Variants in MRPL48 observed in about 807,000 individuals in gnomAD.
MRPL48 encodes mitochondrial ribosomal protein L48.
Under a neutral mutation model 32.9 loss-of-function variants are expected in MRPL48, and 16 were observed. The ratio of observed to expected loss-of-function variants is 0.49; its 90% confidence interval spans 0.33 to 0.74. The LOEUF (loss-of-function observed/expected upper bound fraction) is 0.74, where lower values mean the gene tolerates loss of function less well. Ranked by LOEUF, MRPL48 falls within the 30% of genes least tolerant of loss-of-function variation. The pLI is 0.02. For synonymous variants in MRPL48, 94 were observed against 89.2 expected (o/e 1.05, Z -0.31); for missense variants, 206 against 245.3 (o/e 0.84, Z 1.07).
chr11:73,798,219 A>G (rs571271841), intron 1 of MRPL48, among the ~76,000 whole-genome samples: 64 of 151,968 alleles, frequency 4.2e-4, no homozygotes, highest in Admixed American at 1.2e-3. Context: ...CTGGGATTAC[A>G]GGCGCCCACC....
intron 1 of MRPL48, among the ~76,000 whole-genome samples, chr11:73,796,665 C>T (rs978276705): frequency 5.9e-5 from 9 of 152,234 alleles, no homozygotes; most frequent in African/African-American, 1.9e-4. Flanking sequence ...TGGGGCTAGG[C>T]TGCCAGTCCC....
At chr11:73,817,691 A>G (rs1227989257) in intron 3 of MRPL48, 2 of 185,776 alleles carry the variant, frequency 1.1e-5, no homozygotes, top group Admixed American at 1.2e-4. Context: ...AGAAGGTTCC[A>G]AGTCCCAGAA....
intron 4 of MRPL48, chr11:73,843,015 A>G (rs1948219881): frequency 6.6e-6 from 1 of 151,786 alleles, no homozygotes. Context: ...GGATCTAGCT[A>G]TGTTGTCAGG....
intron 1 of MRPL48, among the ~76,000 whole-genome samples, chr11:73,788,822 AAACCGTATG>A (rs1483948857): frequency 6.6e-6 from 1 of 152,114 alleles, no homozygotes; most frequent in Non-Finnish European, 1.5e-5. Context: ...GACTGTCATA[AAACCGTATG>A]AACCACTATA....
chr11:73,838,000 C>T (rs542639299), intron 4 of MRPL48, among the ~76,000 whole-genome samples: 91 of 152,204 alleles, frequency 6.0e-4, no homozygotes, highest in African/African-American at 2.0e-3. Flanking sequence ...TACAGGCACC[C>T]GCCACCACGC....
chr11:73,800,380 T>C (rs953073486), intron 1 of MRPL48, among the ~76,000 whole-genome samples: 1 of 152,162 alleles, frequency 6.6e-6, no homozygotes, highest in African/African-American at 2.4e-5. Flanking sequence ...ATGAAACAGC[T>C]CTCAGTTGCT....
intron 4 of MRPL48, among the ~76,000 whole-genome samples, chr11:73,833,683 A>T (rs1219571752): frequency 6.6e-6 from 1 of 151,806 alleles, no homozygotes; most frequent in East Asian, 1.9e-4. Context: ...TTTAATTATT[A>T]TTTTTTTCAG....
rs1948636718 is a variant in MRPL48 at position 73,864,553 on chromosome 11, A to G, written c.*183A>G. The G allele has an allele frequency of 1.8e-5, 11 of 607,300 alleles. No individual in the cohort carries two copies. The highest frequency in any genetic ancestry group is 1.4e-4 in the East Asian group (5 of 36,158). The allele number at this position is 607,300 out of a possible 1,614,324, so 37.6% of individuals were successfully genotyped here. On this transcript the variant is annotated 3_prime_UTR_variant, in exon 8 of 8. Transcript: ENST00000310614. ...ACTTGCCATTTCTTACCACTTACCT[A>G]TGAGGTAATGCTTGTTATCTTCCAT...
At chr11:73,794,747 C>CTTTTTTT (rs1356375156) in intron 1 of MRPL48, among the ~76,000 whole-genome samples, 1 of 134,938 alleles carries the variant, frequency 7.4e-6, no homozygotes, top group African/African-American at 2.8e-5. Context: ...TACTTCTTTT[C>CTTTTTTT]TTTTTTTTTT....
chr11:73,790,282 G>C (rs1947125316), intron 1 of MRPL48, among the ~76,000 whole-genome samples: 6 of 149,746 alleles, frequency 4.0e-5, no homozygotes, highest in Admixed American at 2.7e-4. Context: ...TGTTAGCCAG[G>C]ATGGTCTCTA....
chr11:73,808,482 T>G (rs1565406945), intron 3 of MRPL48, 132 bp downstream of exon 3: 1 of 840,870 alleles, frequency 1.2e-6, no homozygotes, highest in Non-Finnish European at 1.9e-6. Flanking sequence ...CCCCTCCATG[T>G]GAGCATGGAA....
At chr11:73,834,787 A>C (rs1948065684) in intron 4 of MRPL48, among the ~76,000 whole-genome samples, 1 of 150,462 alleles carries the variant, frequency 6.6e-6, no homozygotes, top group Admixed American at 6.6e-5. Flanking sequence ...TGCCCGCCTC[A>C]GCCTACCAAA....
chr11:73,809,311 T>C (rs1184056204), intron 3 of MRPL48, among the ~76,000 whole-genome samples: 1 of 151,928 alleles, frequency 6.6e-6, no homozygotes, highest in East Asian at 1.9e-4. Flanking sequence ...AAGACAATCC[T>C]GGCTAACCCA....
At chr11:73,857,287 C>G (rs147256550) in intron 5 of MRPL48, among the ~76,000 whole-genome samples, 4 of 151,908 alleles carry the variant, frequency 2.6e-5, no homozygotes, top group African/African-American at 9.7e-5. Flanking sequence ...CTCACCACCA[C>G]GCCCAGCTAA....
At chr11:73,854,530 G>A (rs1236355697) in intron 5 of MRPL48, among the ~76,000 whole-genome samples, 4 of 152,128 alleles carry the variant, frequency 2.6e-5, no homozygotes, top group South Asian at 2.1e-4. Context: ...CAAGTGATCC[G>A]CCCGCCTTGG....
chr11:73,808,481 G>A, intron 3 of MRPL48, 131 bp downstream of exon 3: 1 of 855,120 alleles, frequency 1.2e-6, no homozygotes, highest in Non-Finnish European at 1.9e-6. Context: ...ACCCCTCCAT[G>A]TGAGCATGGA....
chr11:73,832,051 GC>G (rs1421160453), intron 4 of MRPL48, among the ~76,000 whole-genome samples: 2 of 151,810 alleles, frequency 1.3e-5, no homozygotes, highest in Non-Finnish European at 2.9e-5. Context: ...CTGTTGTCCA[GC>G]TTCCAGTCTT....
chr11:73,861,960 T>G (rs570248071), intron 6 of MRPL48, among the ~76,000 whole-genome samples: 1 of 152,184 alleles, frequency 6.6e-6, no homozygotes, highest in Non-Finnish European at 1.5e-5. Flanking sequence ...AGTCAGGTCC[T>G]GGTATGCCTG....
chr11:73,834,556 C>T (rs148453434), intron 4 of MRPL48, among the ~76,000 whole-genome samples: 151 of 141,912 alleles, frequency 1.1e-3, no homozygotes, highest in Middle Eastern at 3.7e-3. Flanking sequence ...TTTTTTGAGA[C>T]GGAGTCTCGC....
Sources: allele counts gnomAD v4.1 joint callset (sites outside exome capture counted in the v4.1 genomes callset), GRCh38; gene constraint gnomAD v4.1.1; transcripts MANE v1.5; gene names NCBI Gene and HGNC (gene_info 2026-07-23, HGNC 2026-07-21).